The following AUTS2 variants were observed in gnomAD, a reference collection of about 807,000 sequenced individuals.
The protein encoded by AUTS2 is autism susceptibility gene 2 protein.
AUTS2 carries 17 observed loss-of-function variants against 112.4 expected under a neutral mutation model. The ratio of observed to expected loss-of-function variants is 0.15; its 90% CI spans 0.10 to 0.23. AUTS2 has a LOEUF of 0.23. Ranked by LOEUF, AUTS2 falls within the 10% of genes least tolerant of loss-of-function variation. AUTS2 has a pLI of 1.00. For synonymous variants in AUTS2, 751 were observed against 702.7 expected (o/e 1.07, Z -1.09); for missense variants, 1,510 against 1,701.6 (o/e 0.89, Z 1.98).
intron 5 of AUTS2, among the ~76,000 whole-genome samples, chr7:70,661,634 T>C (rs1585460899): frequency 6.6e-6 from 1 of 152,220 alleles, no homozygotes; most frequent in East Asian, 1.9e-4. Flanking sequence ...GTACATCGAA[T>C]GCTGGTGTAG....
rs185690466 is a variant in AUTS2, at chr7:69,888,614, C to T, written c.310-10672C>T. ...TATTATTTTTTTGGAGACAGTCTCA[C>T]TCTGTCACCCAGGCTGGAGTGCAGT... On this transcript the variant is annotated intron_variant, in intron 1 of 18. Coordinates refer to ENST00000342771, the MANE Select transcript of AUTS2 (RefSeq NM_015570.4). Among the ~76,000 whole-genome samples, 8 of 148,648 alleles carry T rather than the reference C, an allele frequency of 5.4e-5. No individual in the cohort carries two copies. The East Asian group carries it at 1.6e-3, about 29-fold the overall frequency.
intron 2 of AUTS2, among the ~76,000 whole-genome samples, chr7:69,991,179 C>T (rs554350091): frequency 6.6e-6 from 1 of 152,312 alleles, no homozygotes; most frequent in Non-Finnish European, 1.5e-5. Flanking sequence ...GAAATCAGAA[C>T]AGGAACCTCT....
At chr7:70,523,493 G>A (rs1799723210) in intron 5 of AUTS2, among the ~76,000 whole-genome samples, 1 of 152,176 alleles carries the variant, frequency 6.6e-6, no homozygotes, top group Admixed American at 6.5e-5. Context: ...ACATCTTACT[G>A]TAAAAATTGG....
At chr7:70,559,186 G>A (rs1275280020) in intron 5 of AUTS2, among the ~76,000 whole-genome samples, 4 of 152,146 alleles carry the variant, frequency 2.6e-5, no homozygotes, top group Admixed American at 6.5e-5. Flanking sequence ...CTTCTACCAT[G>A]ATTGTGAGGC....
chr7:70,023,947 A>T (rs1475807884), intron 2 of AUTS2, among the ~76,000 whole-genome samples: 3 of 152,298 alleles, frequency 2.0e-5, no homozygotes, highest in African/African-American at 7.2e-5. Flanking sequence ...GATTAGAGGG[A>T]GGTTTATAAA....
intron 4 of AUTS2, among the ~76,000 whole-genome samples, chr7:70,162,632 A>G (rs1299377040): frequency 6.6e-6 from 1 of 152,124 alleles, no homozygotes; most frequent in Admixed American, 6.5e-5. Context: ...TAAGACTGCT[A>G]CTATAAATCA....
chr7:70,091,591 C>G (rs1316706153), intron 2 of AUTS2, among the ~76,000 whole-genome samples: 1 of 152,132 alleles, frequency 6.6e-6, no homozygotes, highest in Non-Finnish European at 1.5e-5. Context: ...TCTGGGATTG[C>G]TGAGGTTTTC....
At chr7:69,985,587 A>G (rs1369231548) in intron 2 of AUTS2, among the ~76,000 whole-genome samples, 2 of 152,172 alleles carry the variant, frequency 1.3e-5, no homozygotes, top group Non-Finnish European at 2.9e-5. Context: ...CTCCCTGCCC[A>G]CTTCCATTCC....
intron 1 of AUTS2, among the ~76,000 whole-genome samples, chr7:69,856,020 C>T (rs930110766): frequency 6.6e-6 from 1 of 152,202 alleles, no homozygotes; most frequent in South Asian, 2.1e-4. Flanking sequence ...AGTGATTCTT[C>T]TGAGTGGATG....
At chr7:69,706,873 GA>G (rs1029461824) in intron 1 of AUTS2, among the ~76,000 whole-genome samples, 3 of 152,162 alleles carry the variant, frequency 2.0e-5, no homozygotes, top group African/African-American at 7.2e-5. Context: ...TTGGTTACAC[GA>G]TATCTTGCTT....
At chr7:70,700,293 G>GTGA (rs1358806151) in intron 6 of AUTS2, among the ~76,000 whole-genome samples, 1 of 152,160 alleles carries the variant, frequency 6.6e-6, no homozygotes, top group African/African-American at 2.4e-5. Context: ...TTTTCTAGGG[G>GTGA]TGATTTAGTT....
chr7:69,670,277 C>T (rs1270135652), intron 1 of AUTS2, among the ~76,000 whole-genome samples: 1 of 152,118 alleles, frequency 6.6e-6, no homozygotes, highest in Non-Finnish European at 1.5e-5. Flanking sequence ...GAGGTCCTTT[C>T]CAGCCCTAAA....
chr7:69,743,451 C>T lies in AUTS2; in HGVS notation c.309+143489C>T, dbSNP rs78813491. Among the ~76,000 whole-genome samples the T allele has an allele frequency of 1.7e-3, 254 of 152,276 alleles. 3 individuals carry two copies. The highest frequency in any genetic ancestry group is 5.6e-3 in the African/African-American group (234 of 41,562). On this transcript the variant is annotated intron_variant, in intron 1 of 18. Transcript: ENST00000342771. The stretch of plus-strand genomic sequence containing the variant: ...CACATATAATTTATATCACTTATTC[C>T]TTAATAACATTGTCATGGGTTAGAT...
intron 4 of AUTS2, among the ~76,000 whole-genome samples, chr7:70,263,434 C>T (rs1168719671): frequency 2.6e-5 from 4 of 152,060 alleles, no homozygotes; most frequent in Admixed American, 2.0e-4. Context: ...GAAAATTTCA[C>T]GTCTGATTAA....
chr7:70,584,029 A>C (rs947788645), intron 5 of AUTS2, among the ~76,000 whole-genome samples: 2 of 152,196 alleles, frequency 1.3e-5, no homozygotes, highest in Non-Finnish European at 2.9e-5. Flanking sequence ...GTACAATGCT[A>C]TATTTTTGCC....
intron 4 of AUTS2, among the ~76,000 whole-genome samples, chr7:70,309,810 C>T (rs1171085081): frequency 6.6e-6 from 1 of 152,182 alleles, no homozygotes; most frequent in South Asian, 2.1e-4. Context: ...TCATAAATAG[C>T]ACATCAGCGC....
At chr7:69,719,114 G>A (rs963985412) in intron 1 of AUTS2, among the ~76,000 whole-genome samples, 4 of 152,152 alleles carry the variant, frequency 2.6e-5, no homozygotes, top group African/African-American at 9.7e-5. Context: ...TTCTGTTTTT[G>A]TTAGATAGTT....
intron 2 of AUTS2, among the ~76,000 whole-genome samples, chr7:70,083,592 A>T (rs1037722077): frequency 3.3e-5 from 5 of 152,162 alleles, no homozygotes; most frequent in African/African-American, 1.2e-4. Context: ...AACTGATCAT[A>T]TTTAAACTAT....
chr7:70,355,002 G>A lies in AUTS2; in HGVS notation c.661-80750G>A, dbSNP rs552756683. On this transcript the variant is annotated intron_variant, in intron 4 of 18. Transcript: ENST00000342771. Reference sequence around the variant, plus strand: ...TGTATGGGTGTGTGTGTGTATGGGTGTGTGTGTATGTATGTGTGTGTGTAT... The same window carrying A: ...TGTATGGGTGTGTGTGTGTATGGGTATGTGTGTATGTATGTGTGTGTGTAT... Among the ~76,000 whole-genome samples, 53 of 151,214 alleles carry A rather than the reference G, an allele frequency of 3.5e-4. 1 individual carries two copies. The highest frequency in any genetic ancestry group is 1.1e-3 in the African/African-American group (46 of 41,182).
Sources: allele counts gnomAD v4.1 joint callset (sites outside exome capture counted in the v4.1 genomes callset), GRCh38; gene constraint gnomAD v4.1.1; transcripts MANE v1.5; gene names NCBI Gene and HGNC (gene_info 2026-07-23, HGNC 2026-07-21).